FRAS1: variants seen among roughly 807,000 people sequenced by gnomAD.
FRAS1 encodes extracellular matrix organizing protein FRAS1.
In FRAS1, 290 loss-of-function variants were observed where a neutral mutation model predicts 435.2. The observed-to-expected ratio is 0.67, with a 90% CI of 0.61 to 0.73. The LOEUF (loss-of-function observed/expected upper bound fraction) is 0.73, where lower values mean the gene tolerates loss of function less well. Among genes scored for constraint, FRAS1 ranks in the 30% least tolerant of loss-of-function variants. The probability of loss-of-function intolerance (pLI) is 0.00; values close to 1 mark genes in which losing one functional copy is unlikely to be tolerated. For synonymous variants in FRAS1, 1,800 were observed against 1,851.0 expected (o/e 0.97, Z 0.71); for missense variants, 4,860 against 5,001.5 (o/e 0.97, Z 0.85).
At chr4:78,249,074 T>TATGCATATATATATATGC (rs1560602652) in intron 4 of FRAS1, among the ~76,000 whole-genome samples, 2 of 94,734 alleles carry the variant, frequency 2.1e-5, no homozygotes, top group African/African-American at 7.9e-5. Context: ...CATATATATA[T>TATGCATATATATATATGC]ATATATATAT....
chr4:78,297,021 T>G (rs555561921), intron 14 of FRAS1, among the ~76,000 whole-genome samples: 2 of 152,358 alleles, frequency 1.3e-5, no homozygotes, highest in Non-Finnish European at 2.9e-5. Context: ...CAAGAGCTTC[T>G]TATTGAAAAT....
intron 29 of FRAS1, among the ~76,000 whole-genome samples, chr4:78,395,222 G>A (rs1732608994): frequency 6.6e-6 from 1 of 151,930 alleles, no homozygotes; most frequent in African/African-American, 2.4e-5. Flanking sequence ...GGCCAAAGAA[G>A]ATACTTGATA....
At chr4:78,335,924 T>A (rs1730154396) in intron 19 of FRAS1, among the ~76,000 whole-genome samples, 1 of 149,006 alleles carries the variant, frequency 6.7e-6, no homozygotes, top group South Asian at 2.1e-4. Flanking sequence ...TTTTTTGGTA[T>A]ATACAGGAAA....
chr4:78,070,259 A>G (rs955494619), intron 2 of FRAS1, among the ~76,000 whole-genome samples: 32 of 90,052 alleles, frequency 3.6e-4, no homozygotes, highest in Admixed American at 2.5e-3. Flanking sequence ...ATAAGTGTAT[A>G]TATATATATA....
At chr4:78,357,524 G>GT (rs1578270747) in intron 20 of FRAS1, among the ~76,000 whole-genome samples, 2 of 152,142 alleles carry the variant, frequency 1.3e-5, no homozygotes, top group Non-Finnish European at 1.5e-5. Context: ...CAGTTTGAAG[G>GT]TTTTTTAGGT....
chr4:78,274,423 A>T (rs1470151827), intron 9 of FRAS1, among the ~76,000 whole-genome samples: 1 of 151,882 alleles, frequency 6.6e-6, no homozygotes, highest in Non-Finnish European at 1.5e-5. Flanking sequence ...TCAATTTTAG[A>T]TCTTTCCTGC....
In FRAS1 at chr4:78,488,876, G is replaced by GC; in HGVS notation, c.8757dup (p.Ser2920GlnfsTer31). ...CTGTCTTTCTGTCTGCCCACCTAGT[G>GC]CCCAGCATGCAGTTTGCCAAGGATT... On this transcript the variant is annotated frameshift_variant and splice_region_variant, in exon 59 of 74. Transcript: ENST00000512123. LOFTEE classifies it high-confidence loss of function. 6.2e-7 allele frequency: 1 copy of GC among 1,611,522 alleles called. No homozygotes were observed. Among genetic ancestry groups the GC allele is most frequent in the Non-Finnish European group, 8.5e-7 (1 of 1,179,286 alleles).
chr4:78,427,916 G>A (rs2110382907), intron 35 of FRAS1, among the ~76,000 whole-genome samples: 1 of 152,334 alleles, frequency 6.6e-6, no homozygotes, highest in South Asian at 2.1e-4. Context: ...AAGTCCAGAA[G>A]AAAGTGAGGA....
chr4:78,250,267 G>A (rs72864520), intron 4 of FRAS1, among the ~76,000 whole-genome samples: 2,411 of 152,220 alleles, frequency 0.016, 38 homozygotes, highest in East Asian at 0.042. Flanking sequence ...TGGTGGAGGG[G>A]TTGGCAGTGG....
At chr4:78,396,964 GCTTCTTTAAGATGT>G (rs1294338798) in intron 29 of FRAS1, among the ~76,000 whole-genome samples, 2 of 152,110 alleles carry the variant, frequency 1.3e-5, no homozygotes, top group Non-Finnish European at 2.9e-5. Flanking sequence ...AGATTGTTGT[GCTTCTTTAAGATGT>G]CCACGGTGCT....
intron 2 of FRAS1, among the ~76,000 whole-genome samples, chr4:78,164,978 T>G (rs1228643110): frequency 6.6e-6 from 1 of 152,182 alleles, no homozygotes; most frequent in Admixed American, 6.5e-5. Context: ...AATTTCATGG[T>G]TTTTGCCCTT....
chr4:78,094,319 T>C (rs1403593232), intron 2 of FRAS1, among the ~76,000 whole-genome samples: 3 of 152,086 alleles, frequency 2.0e-5, no homozygotes, highest in Non-Finnish European at 2.9e-5. Context: ...ATATTTTGAT[T>C]GTTTGAAGCA....
intron 28 of FRAS1, among the ~76,000 whole-genome samples, chr4:78,386,112 G>T (rs10018431): frequency 0.14 from 21,197 of 152,012 alleles, 1,851 homozygotes; most frequent in African/African-American, 0.25. Context: ...CCCCAAGTGT[G>T]GCTTGTGTGT....
intron 18 of FRAS1, among the ~76,000 whole-genome samples, chr4:78,326,725 A>T (rs1197504620): frequency 6.6e-6 from 1 of 152,216 alleles, no homozygotes; most frequent in Non-Finnish European, 1.5e-5. Context: ...CCCAAGAGTA[A>T]GAAAAGGAAG....
chr4:78,467,220 C>G (rs78394481), intron 50 of FRAS1, among the ~76,000 whole-genome samples: 179 of 152,176 alleles, frequency 1.2e-3, no homozygotes, highest in African/African-American at 4.1e-3. Flanking sequence ...CCATCTCTGC[C>G]CCCTTACTAC....
At chr4:78,240,456 A>G (rs1724952108) in intron 3 of FRAS1, among the ~76,000 whole-genome samples, 1 of 152,200 alleles carries the variant, frequency 6.6e-6, no homozygotes, top group African/African-American at 2.4e-5. Context: ...AACGACTGCC[A>G]TATTTATGGC....
chr4:78,497,071 A>G (rs1037106976), intron 60 of FRAS1, 110 bp downstream of exon 60: 1 of 822,710 alleles, frequency 1.2e-6, no homozygotes, highest in Non-Finnish European at 1.9e-6. Flanking sequence ...ATGCCTACTG[A>G]TAACATTCTC....
In FRAS1 at chr4:78,521,641, T is replaced by C. The variant is rs1350688211; in HGVS notation, c.10648+11T>C. The C allele has an allele frequency of 6.5e-7, 1 of 1,528,676 alleles. No individual in the cohort carries two copies. Among genetic ancestry groups the C allele is most frequent in the South Asian group, 1.2e-5 (1 of 84,818 alleles). The allele number at this position is 1,528,676 out of a possible 1,614,324, so 94.7% of individuals were successfully genotyped here. On this transcript the variant is annotated intron_variant, in intron 68 of 73. Coordinates refer to ENST00000512123, the MANE Select transcript of FRAS1 (RefSeq NM_025074.7). ...ATGCCAAATTCAGAGGTAATATCAA[T>C]GCCGTTTTTTTTTTCCAACTTTTTA... is the stretch of plus-strand genomic sequence containing the variant.
intron 72 of FRAS1, among the ~76,000 whole-genome samples, chr4:78,537,978 G>A (rs1721935718): frequency 6.6e-6 from 1 of 150,692 alleles, no homozygotes; most frequent in Admixed American, 6.6e-5. Flanking sequence ...AGCCATAATT[G>A]TTTGAAAAAG....
Sources: gnomAD v4.1 joint callset for allele counts (sites outside exome capture counted in the v4.1 genomes callset) on GRCh38, gnomAD v4.1.1 for gene constraint, MANE v1.5 for transcripts, NCBI Gene and HGNC (gene_info 2026-07-23, HGNC 2026-07-21) for gene names.